The following NME7 variants were observed in gnomAD, a reference collection of about 807,000 sequenced individuals.
NME7 encodes the protein NME/NM23 family member 7.
NME7 carries 41 observed loss-of-function variants against 49.1 expected under a neutral mutation model. That is an observed-to-expected ratio of 0.83 (90% CI 0.65 to 1.08). NME7 has a LOEUF of 1.08. NME7 is among the 50% of genes least tolerant of loss of function. The pLI is 0.00. For missense variants in NME7, 423 were observed against 463.4 expected, an observed-to-expected ratio of 0.91 and a Z score of 0.80; for synonymous variants, 139 against 150.6, an observed-to-expected ratio of 0.92 and a Z score of 0.56.
At chr1:169,355,697 T>C (rs1653446622) in intron 1 of NME7, among the ~76,000 whole-genome samples, 2 of 151,994 alleles carry the variant, frequency 1.3e-5, no homozygotes, top group African/African-American at 2.4e-5. Flanking sequence ...TCTCCACTCA[T>C]ATGTCAGCAA....
rs78351701 is a variant in NME7, at chr1:169,219,184, T to C, written c.990+11534A>G. 6.9e-3 allele frequency among the ~76,000 whole-genome samples: 1,045 copies of C among 152,222 alleles called. 14 individuals carry two copies. Among genetic ancestry groups the C allele is most frequent in the African/African-American group, 0.024 (977 of 41,532 alleles). On this transcript the variant is annotated intron_variant, in intron 10 of 11. Coordinates refer to ENST00000367811, the MANE Select transcript of NME7 (RefSeq NM_013330.5). Reference sequence around the variant, plus strand: ...CCCACCCCACTCAACACAGACTGGGTTGGGTTCCTTCAGAGTAAAATCAGT... The same window carrying C: ...CCCACCCCACTCAACACAGACTGGGCTGGGTTCCTTCAGAGTAAAATCAGT...
In NME7 at chr1:169,338,989, A is replaced by G. The variant is rs190007988; in HGVS notation, c.4-14489T>C. Reference sequence around the variant, plus strand: ...ATTGTCTCTCTAATAAAATTATGAAATTCTCAAAGAAGCTGTAACATTTAT... The same window carrying G: ...ATTGTCTCTCTAATAAAATTATGAAGTTCTCAAAGAAGCTGTAACATTTAT... On this transcript the variant is annotated intron_variant, in intron 1 of 11. Coordinates refer to ENST00000367811, the MANE Select transcript of NME7 (RefSeq NM_013330.5). Among the ~76,000 whole-genome samples the G allele has an allele frequency of 1.2e-4, 18 of 152,272 alleles. No homozygotes were observed. The East Asian group carries it at 2.5e-3, about 21-fold the overall frequency.
intron 7 of NME7, among the ~76,000 whole-genome samples, chr1:169,254,871 G>GT (rs1200105092): frequency 7.7e-6 from 1 of 129,700 alleles, no homozygotes; most frequent in African/African-American, 2.6e-5. Flanking sequence ...TAGTTGAGCG[G>GT]TTTTGAGTGA....
At chr1:169,286,065 C>A (rs993746669) in intron 7 of NME7, 1 of 152,082 alleles carries the variant, frequency 6.6e-6, no homozygotes, top group African/African-American at 2.4e-5. Context: ...ATTAAAGAAT[C>A]TATTAAAATA....
intron 1 of NME7, among the ~76,000 whole-genome samples, chr1:169,361,948 C>T (rs995390047): frequency 1.3e-5 from 2 of 152,138 alleles, no homozygotes; most frequent in Non-Finnish European, 2.9e-5. Context: ...TGACTCATGC[C>T]TGTAATCCCA....
At chr1:169,176,438 A>G (rs1659752467) in intron 10 of NME7, among the ~76,000 whole-genome samples, 1 of 152,184 alleles carries the variant, frequency 6.6e-6, no homozygotes. Context: ...CTAAAACATC[A>G]GGCTTGTGGA....
intron 10 of NME7, among the ~76,000 whole-genome samples, chr1:169,227,048 C>T (rs540701912): frequency 6.6e-6 from 1 of 152,114 alleles, no homozygotes; most frequent in Non-Finnish European, 1.5e-5. Context: ...TTTTATGCCC[C>T]AGCAATAGGA....
chr1:169,192,293 G>A (rs1660253638), intron 10 of NME7, among the ~76,000 whole-genome samples: 2 of 152,018 alleles, frequency 1.3e-5, no homozygotes, highest in African/African-American at 4.8e-5. Flanking sequence ...CTCTGTATCC[G>A]CAGATTCTGT....
intron 4 of NME7, among the ~76,000 whole-genome samples, chr1:169,308,019 C>CAAAAA (rs11410749): frequency 9.1e-6 from 1 of 110,058 alleles, no homozygotes; most frequent in African/African-American, 3.3e-5. Flanking sequence ...GACTCCATCT[C>CAAAAA]AAAAAAAAAA....
chr1:169,324,730 T>C (rs1387211253), intron 1 of NME7, among the ~76,000 whole-genome samples: 1 of 152,250 alleles, frequency 6.6e-6, no homozygotes, highest in East Asian at 1.9e-4. Context: ...ACTTATGGAT[T>C]GCTTTTTACT....
At chr1:169,219,668 G>T (rs1481140994) in intron 10 of NME7, among the ~76,000 whole-genome samples, 2 of 152,116 alleles carry the variant, frequency 1.3e-5, no homozygotes, top group African/African-American at 2.4e-5. Context: ...TAAAGTAGCT[G>T]GGACTATAGG....
At chr1:169,322,984 A>C in intron 3 of NME7, 133 bp downstream of exon 3, 1 of 648,276 alleles carries the variant, frequency 1.5e-6, no homozygotes, top group Non-Finnish European at 2.3e-6. Context: ...ATTGAAAAAA[A>C]GAAAAAGAAT....
chr1:169,226,755 T>A (rs1470714954), intron 10 of NME7, among the ~76,000 whole-genome samples: 1 of 152,306 alleles, frequency 6.6e-6, no homozygotes, highest in African/African-American at 2.4e-5. Flanking sequence ...TTGCAAAATA[T>A]AGGAAAACAG....
intron 1 of NME7, among the ~76,000 whole-genome samples, chr1:169,329,422 C>G (rs1652180614): frequency 7.5e-6 from 1 of 132,614 alleles, no homozygotes. Context: ...AAAACCTCTG[C>G]TAAGGAAACC....
chr1:169,322,657 G>C (rs1048102227), intron 3 of NME7, among the ~76,000 whole-genome samples: 2 of 148,226 alleles, frequency 1.3e-5, no homozygotes, highest in African/African-American at 5.0e-5. Flanking sequence ...TGATCCGTTG[G>C]TCAACATCTA....
chr1:169,143,097 T>C (rs766932380), intron 11 of NME7, among the ~76,000 whole-genome samples: 3 of 152,284 alleles, frequency 2.0e-5, no homozygotes, highest in Non-Finnish European at 2.9e-5. Flanking sequence ...CCCCCTTCAG[T>C]CCATTTTCCA....
At position 169,232,074 on chromosome 1, in the gene NME7, C is replaced by T. The variant is rs1307610222; in HGVS notation, c.889-1255G>A. Among the ~76,000 whole-genome samples, 5 of 152,272 alleles carry T rather than the reference C, an allele frequency of 3.3e-5. No homozygotes were observed. In the East Asian group the frequency reaches 9.6e-4, roughly 29 times the overall value. ...ATCCAAACAGCTATTATAAGCTCCACATTCTCAAATTATACAAGGAAATAT... is the reference window on the plus strand; with the variant it reads ...ATCCAAACAGCTATTATAAGCTCCATATTCTCAAATTATACAAGGAAATAT... On this transcript the variant is annotated intron_variant, in intron 9 of 11. Coordinates refer to ENST00000367811, the MANE Select transcript of NME7 (RefSeq NM_013330.5).
At chr1:169,196,184 T>C (rs1475408243) in intron 10 of NME7, among the ~76,000 whole-genome samples, 1 of 152,250 alleles carries the variant, frequency 6.6e-6, no homozygotes, top group African/African-American at 2.4e-5. Flanking sequence ...AAGAATCTTA[T>C]CTTGAAATAT....
chr1:169,341,728 A>C (rs1329358684), intron 1 of NME7, among the ~76,000 whole-genome samples: 1 of 152,190 alleles, frequency 6.6e-6, no homozygotes, highest in Admixed American at 6.5e-5. Context: ...TGGGTGTGAG[A>C]CATGGAATCA....
Sources: allele counts gnomAD v4.1 joint callset (sites outside exome capture counted in the v4.1 genomes callset), GRCh38; gene constraint gnomAD v4.1.1; transcripts MANE v1.5; gene names NCBI Gene and HGNC (gene_info 2026-07-23, HGNC 2026-07-21).